Variants in YTHDC2 observed in about 807,000 individuals in gnomAD.
YTHDC2 encodes the protein 3'-5' RNA helicase YTHDC2.
In YTHDC2, 45 loss-of-function variants were observed where a neutral mutation model predicts 174.9. The observed-to-expected ratio is 0.26, with a 90% CI of 0.20 to 0.33. The LOEUF is 0.33. YTHDC2 is among the 10% of genes least tolerant of loss of function. The pLI is 1.00. For missense variants in YTHDC2, 1,650 were observed against 1,723.7 expected (o/e 0.96, Z 0.76); for synonymous variants, 657 against 574.5 (o/e 1.14, Z -2.05).
rs116783177 is a variant in YTHDC2 at position 113,550,601 on chromosome 5, T to A, written c.1688+1581T>A. 6.4e-3 allele frequency among the ~76,000 whole-genome samples: 974 copies of A among 151,902 alleles called. 7 individuals are homozygous for A. The highest frequency in any genetic ancestry group is 0.022 in the African/African-American group (907 of 41,422). ...TCATTAGTTGGAGGTTCGCAGATAA[T>A]GACTACGTTGTTAAAACAATAAATA... is the stretch of plus-strand genomic sequence containing the variant. On this transcript the variant is annotated intron_variant, in intron 12 of 29. Coordinates refer to ENST00000161863, the MANE Select transcript of YTHDC2 (RefSeq NM_022828.5).
intron 3 of YTHDC2, among the ~76,000 whole-genome samples, 173 bp from the exon 4 acceptor site, chr5:113,526,413 T>G (rs1194516354): frequency 6.6e-6 from 1 of 152,146 alleles, no homozygotes; most frequent in African/African-American, 2.4e-5. Context: ...ATTGAGATAT[T>G]GCTTGACAAC....
At chr5:113,526,184 T>C (rs1205292982) in intron 3 of YTHDC2, among the ~76,000 whole-genome samples, 2 of 152,088 alleles carry the variant, frequency 1.3e-5, no homozygotes, top group African/African-American at 4.8e-5. Flanking sequence ...TATTTCCTAC[T>C]ACAAAAATTT....
At chr5:113,575,010 T>C (rs1405636232) in intron 23 of YTHDC2, among the ~76,000 whole-genome samples, 1 of 152,204 alleles carries the variant, frequency 6.6e-6, no homozygotes, top group African/African-American at 2.4e-5. Flanking sequence ...TGCTCCTGTG[T>C]GGGCTGTCGC....
At chr5:113,562,536 T>G (rs1235719230) in intron 18 of YTHDC2, among the ~76,000 whole-genome samples, 1 of 152,256 alleles carries the variant, frequency 6.6e-6, no homozygotes, top group Non-Finnish European at 1.5e-5. Context: ...GTAAATTGCC[T>G]GTTCCTGCCT....
chr5:113,536,774 C>G (rs895371383), intron 7 of YTHDC2, among the ~76,000 whole-genome samples: 15 of 151,570 alleles, frequency 9.9e-5, no homozygotes, highest in African/African-American at 3.6e-4. Flanking sequence ...TGGATGTTAA[C>G]AGTGTTTTAT....
intron 2 of YTHDC2, among the ~76,000 whole-genome samples, chr5:113,524,055 A>G (rs1016010411): frequency 2.0e-5 from 3 of 152,128 alleles, no homozygotes; most frequent in African/African-American, 4.8e-5. Context: ...TCTTAATCAT[A>G]TGAATAATCC....
intron 26 of YTHDC2, among the ~76,000 whole-genome samples, chr5:113,589,408 A>AAAAAAT (rs368975720): frequency 2.0e-4 from 25 of 123,242 alleles, no homozygotes; most frequent in Non-Finnish European, 3.2e-4. Context: ...AAAAAAAAAA[A>AAAAAAT]ATATATATAT....
chr5:113,552,239 A>G (rs75793391), intron 12 of YTHDC2, among the ~76,000 whole-genome samples: 4,419 of 152,170 alleles, frequency 0.029, 89 homozygotes, highest in Non-Finnish European at 0.042. Flanking sequence ...GGTTTTTCAT[A>G]TGTTCACAGA....
Position 113,561,126 on chromosome 5 carries a change from CTCCGAT to C in YTHDC2, c.2267_2272del (p.Arg756_Phe757del), listed in dbSNP as rs779751844. On this transcript the variant is annotated inframe_deletion, in exon 18 of 30. Transcript: ENST00000161863. ...AATTTGTTTTCGTCTGTTCAGTAGA[CTCCGAT>C]TCCAGAATATGTTGGAATTTCAGAC... 1 of 1,613,126 alleles carries C rather than the reference CTCCGAT, an allele frequency of 6.2e-7. No homozygotes were observed. Among genetic ancestry groups the C allele is most frequent in the African/African-American group, 1.3e-5 (1 of 75,010 alleles).
chr5:113,567,048 C>G (rs761199651), intron 21 of YTHDC2, 44 bp from the exon 22 acceptor site: 2 of 1,580,524 alleles, frequency 1.3e-6, no homozygotes, highest in Admixed American at 3.7e-5. Flanking sequence ...ACAAAAGTAT[C>G]TTTTGCACAA....
At chr5:113,531,782 G>T (rs2112576345) in intron 4 of YTHDC2, among the ~76,000 whole-genome samples, 1 of 152,026 alleles carries the variant, frequency 6.6e-6, no homozygotes, top group East Asian at 1.9e-4. Context: ...AATAAAAACA[G>T]TTATATTTTT....
chr5:113,551,538 C>T (rs1244256277), intron 12 of YTHDC2, among the ~76,000 whole-genome samples: 1 of 151,912 alleles, frequency 6.6e-6, no homozygotes, highest in Non-Finnish European at 1.5e-5. Context: ...TAAAGTAGAT[C>T]TTAAAATTTA....
intron 4 of YTHDC2, among the ~76,000 whole-genome samples, chr5:113,530,091 C>T (rs1774551951): frequency 1.3e-5 from 2 of 152,088 alleles, no homozygotes; most frequent in South Asian, 4.2e-4. Flanking sequence ...TGCATACCAC[C>T]ACACCTGGCT....
intron 26 of YTHDC2, among the ~76,000 whole-genome samples, chr5:113,589,764 CCT>C (rs1369570336): frequency 7.9e-5 from 12 of 152,112 alleles, no homozygotes; most frequent in Middle Eastern, 3.4e-3. Flanking sequence ...TTCCATTTCT[CCT>C]CTCATTATGT....
In YTHDC2 at chr5:113,561,161, G is replaced by A. The variant is rs763490062; in HGVS notation, c.2298G>A (p.Pro766=). 24 of 1,612,424 alleles carry A rather than the reference G, an allele frequency of 1.5e-5. No homozygotes were observed. Among genetic ancestry groups the A allele is most frequent in the Middle Eastern group, 1.6e-4 (1 of 6,074 alleles). ...RFQNMLEFQT[P]ELLRMPLQEL... ...AGAATATGTTGGAATTTCAGACTCC[G>A]GAACTTTTGAGAATGCCATTACAGG... The change falls in exon 18 of 30, where the codon CCG becomes CCA. Residue 766 remains proline (P), a synonymous_variant. Coordinates refer to ENST00000161863, the MANE Select transcript of YTHDC2 (RefSeq NM_022828.5).
In YTHDC2 at chr5:113,524,692, C is replaced by A. The variant is rs1037505770; in HGVS notation, c.279-289C>A. Among the ~76,000 whole-genome samples the A allele has an allele frequency of 1.1e-4, 16 of 152,260 alleles. No homozygotes were observed. The East Asian group carries it at 3.1e-3, about 29-fold the overall frequency. On this transcript the variant is annotated intron_variant, in intron 2 of 29. Coordinates refer to ENST00000161863, the MANE Select transcript of YTHDC2 (RefSeq NM_022828.5). ...ATCATATTAACTGGTGATGTTTCATCTACCATGAAGTCTGCTAAAGACAAA... is the reference window on the plus strand; with the variant it reads ...ATCATATTAACTGGTGATGTTTCATATACCATGAAGTCTGCTAAAGACAAA...
chr5:113,531,635 A>G (rs796731998), intron 4 of YTHDC2, among the ~76,000 whole-genome samples: 1 of 151,978 alleles, frequency 6.6e-6, no homozygotes, highest in Admixed American at 6.6e-5. Flanking sequence ...TTTATTTCCT[A>G]TAATTTTACA....
chr5:113,549,136 T>C, intron 12 of YTHDC2, 116 bp downstream of exon 12: 2 of 858,814 alleles, frequency 2.3e-6, no homozygotes, highest in East Asian at 5.5e-5. Flanking sequence ...CAGAGATTTT[T>C]TTTTGTGATT....
chr5:113,514,360 G>C, intron 1 of YTHDC2: 1 of 648,474 alleles, frequency 1.5e-6, no homozygotes, highest in Non-Finnish European at 2.9e-6. Context: ...AGCCTTGGGC[G>C]GTTAAGCCAC....
Sources: allele counts gnomAD v4.1 joint callset (sites outside exome capture counted in the v4.1 genomes callset), GRCh38; gene constraint gnomAD v4.1.1; transcripts MANE v1.5; gene names NCBI Gene and HGNC (gene_info 2026-07-23, HGNC 2026-07-21).